The following MKLN1 variants were observed in gnomAD, a reference collection of about 807,000 sequenced individuals.
The protein encoded by MKLN1 is muskelin.
In MKLN1, 18 loss-of-function variants were observed where a neutral mutation model predicts 99.0. The ratio of observed to expected loss-of-function variants is 0.18; its 90% CI spans 0.13 to 0.27. The LOEUF is 0.27. Ranked by LOEUF, MKLN1 falls within the 10% of genes least tolerant of loss-of-function variation. The pLI is 1.00. For missense variants in MKLN1, 621 were observed against 875.9 expected (o/e 0.71, Z 3.67); for synonymous variants, 288 against 293.2 (o/e 0.98, Z 0.18).
At chr7:131,464,507 A>G in intron 14 of MKLN1, 99 bp downstream of exon 14, 1 of 647,482 alleles carries the variant, frequency 1.5e-6, no homozygotes, top group Non-Finnish European at 2.7e-6. Context: ...TTGAGTAAAA[A>G]GTTAAAATAC....
chr7:131,223,114 A>G (rs993231695), intron 3 of MKLN1, among the ~76,000 whole-genome samples: 1 of 152,186 alleles, frequency 6.6e-6, no homozygotes, highest in African/African-American at 2.4e-5. Flanking sequence ...CTCTGCCCCT[A>G]CATAGGAAAG....
chr7:131,241,940 C>G (rs1032152433), intron 3 of MKLN1, among the ~76,000 whole-genome samples: 2 of 152,212 alleles, frequency 1.3e-5, no homozygotes, highest in Non-Finnish European at 2.9e-5. Context: ...CCATCTCTTA[C>G]CCGCTTGCAA....
intron 3 of MKLN1, among the ~76,000 whole-genome samples, chr7:131,317,765 C>CAAAAAA (rs146525048): frequency 1.8e-4 from 9 of 49,968 alleles, no homozygotes; most frequent in Admixed American, 4.8e-4. Flanking sequence ...AAATGGAAAG[C>CAAAAAA]AAAAAAAAAA....
chr7:131,157,983 C>T (rs1795993170), intron 2 of MKLN1, among the ~76,000 whole-genome samples: 1 of 152,178 alleles, frequency 6.6e-6, no homozygotes, highest in African/African-American at 2.4e-5. Flanking sequence ...CGAGGAATCC[C>T]GTCCACTGTG....
intron 3 of MKLN1, among the ~76,000 whole-genome samples, chr7:131,318,012 G>A (rs1371098818): frequency 6.6e-6 from 1 of 152,074 alleles, no homozygotes; most frequent in Non-Finnish European, 1.5e-5. Flanking sequence ...ATAATAGTGG[G>A]AGACTTTAAC....
chr7:131,402,125 A>G (rs1047409726), intron 6 of MKLN1, among the ~76,000 whole-genome samples: 5 of 152,206 alleles, frequency 3.3e-5, no homozygotes, highest in Non-Finnish European at 5.9e-5. Context: ...ATTGGAGTCA[A>G]TCCTCTCAAA....
chr7:131,284,239 A>G (rs1471070785), intron 3 of MKLN1, among the ~76,000 whole-genome samples: 2 of 152,200 alleles, frequency 1.3e-5, no homozygotes, highest in African/African-American at 4.8e-5. Context: ...ATTGTTATAT[A>G]TCTCATCAAT....
rs1799204645 is a variant in MKLN1 at position 131,334,858 on chromosome 7, A to T, written c.98+6861A>T. On this transcript the variant is annotated intron_variant, in intron 1 of 17. Transcript: ENST00000352689. Reference sequence around the variant, plus strand: ...ATTTTAATATGTATAAAATGTTTCAAAGAATGTACAGTTGAGAATTTAGAG... The same window carrying T: ...ATTTTAATATGTATAAAATGTTTCATAGAATGTACAGTTGAGAATTTAGAG... Among the ~76,000 whole-genome samples, 4 of 152,336 alleles carry T rather than the reference A, an allele frequency of 2.6e-5. No individual in the cohort carries two copies. In the South Asian group the frequency reaches 8.3e-4, roughly 32 times the overall value.
chr7:131,392,704 C>A (rs1794234433), intron 4 of MKLN1, among the ~76,000 whole-genome samples: 1 of 150,686 alleles, frequency 6.6e-6, no homozygotes, highest in African/African-American at 2.4e-5. Context: ...CTCCTGGGTT[C>A]AAGCGATTCT....
chr7:131,142,231 C>T (rs1358246405), intron 1 of MKLN1, among the ~76,000 whole-genome samples: 2 of 152,022 alleles, frequency 1.3e-5, no homozygotes, highest in Admixed American at 6.6e-5. Context: ...AATGGCAAAA[C>T]CCTGTCTCTA....
rs373772159 is a variant in MKLN1 at position 131,418,331 on chromosome 7, C to T, written c.847+3621C>T. Among the ~76,000 whole-genome samples the T allele has an allele frequency of 4.6e-4, 67 of 144,796 alleles. No individual in the cohort carries two copies. In the East Asian group the frequency reaches 9.1e-3, roughly 20 times the overall value. The allele number at this position is 144,796 out of a possible 152,430, so 95.0% of individuals were successfully genotyped here. On this transcript the variant is annotated intron_variant, in intron 8 of 17. Coordinates refer to ENST00000352689, the MANE Select transcript of MKLN1 (RefSeq NM_013255.5). The stretch of plus-strand genomic sequence containing the variant: ...TTGCAGTGAGGCGAGATTGCGCCAT[C>T]GCACTCCAGCCTGGGAGACAAGAGC...
intron 3 of MKLN1, among the ~76,000 whole-genome samples, chr7:131,254,249 C>A (rs1055811938): frequency 1.3e-5 from 2 of 152,172 alleles, no homozygotes; most frequent in Non-Finnish European, 2.9e-5. Context: ...AAATAGACTT[C>A]ACTAAAATAA....
At chr7:131,401,863 A>T (rs1794555296) in intron 6 of MKLN1, among the ~76,000 whole-genome samples, 1 of 152,208 alleles carries the variant, frequency 6.6e-6, no homozygotes, top group African/African-American at 2.4e-5. Flanking sequence ...TATTGCTTAA[A>T]AAATGCTAAT....
At chr7:131,142,501 C>T (rs1175611362) in intron 1 of MKLN1, among the ~76,000 whole-genome samples, 7 of 151,634 alleles carry the variant, frequency 4.6e-5, no homozygotes, top group Admixed American at 4.6e-4. Context: ...TTTGGGAGGC[C>T]GAGACGGGCG....
chr7:131,313,039 C>G (rs1485500791), intron 3 of MKLN1, among the ~76,000 whole-genome samples: 1 of 152,154 alleles, frequency 6.6e-6, no homozygotes, highest in Non-Finnish European at 1.5e-5. Context: ...CAAAAAATAC[C>G]ATAAAAGCAA....
At chr7:131,232,470 T>G (rs1797257251) in intron 3 of MKLN1, among the ~76,000 whole-genome samples, 1 of 152,218 alleles carries the variant, frequency 6.6e-6, no homozygotes. Context: ...AACATTGGAA[T>G]AAGCTTGGCA....
At chr7:131,303,164 CCAA>C (rs2116623693) in intron 3 of MKLN1, among the ~76,000 whole-genome samples, 1 of 152,322 alleles carries the variant, frequency 6.6e-6, no homozygotes, top group South Asian at 2.1e-4. Flanking sequence ...TGCCCCAGCT[CCAA>C]CTAAGCTCTG....
intron 3 of MKLN1, among the ~76,000 whole-genome samples, chr7:131,312,123 A>G (rs1798577945): frequency 6.6e-6 from 1 of 152,010 alleles, no homozygotes; most frequent in Non-Finnish European, 1.5e-5. Flanking sequence ...CCCGGGTTCA[A>G]GTGATTCTCC....
At position 131,489,458 on chromosome 7, in the gene MKLN1, T is replaced by G. The variant is rs868361045; in HGVS notation, c.*1730T>G. On this transcript the variant is annotated 3_prime_UTR_variant, in exon 18 of 18. Coordinates refer to ENST00000352689, the MANE Select transcript of MKLN1 (RefSeq NM_013255.5). ...AGTAAATACAGTTTGCTTACATACT[T>G]CAACAGTTTCATAAAACGATTCCCC... 1 of 152,158 alleles carries G rather than the reference T, an allele frequency of 6.6e-6. No homozygotes were observed. Among genetic ancestry groups the G allele is most frequent in the Admixed American group, 6.6e-5 (1 of 15,260 alleles). 9.4% of individuals were successfully genotyped at this position (152,158 alleles called of 1,614,324 possible).
Sources: allele counts gnomAD v4.1 joint callset (sites outside exome capture counted in the v4.1 genomes callset), GRCh38; gene constraint gnomAD v4.1.1; transcripts MANE v1.5; gene names NCBI Gene and HGNC (gene_info 2026-07-23, HGNC 2026-07-21).